The following PAMR1 variants were observed in gnomAD, a reference collection of about 807,000 sequenced individuals.
PAMR1 encodes the protein inactive serine protease PAMR1.
PAMR1 carries 88 observed loss-of-function variants against 81.8 expected under a neutral mutation model. The observed-to-expected ratio is 1.08, with a 90% CI of 0.91 to 1.28. The LOEUF is 1.28. Ranked by LOEUF, PAMR1 falls within the 50% of genes most tolerant of loss-of-function variation. The probability of loss-of-function intolerance (pLI) is 0.00; values close to 1 mark genes in which losing one functional copy is unlikely to be tolerated. For missense variants in PAMR1, 935 were observed against 919.7 expected, an observed-to-expected ratio of 1.02 and a Z score of -0.21; for synonymous variants, 336 against 345.3, an observed-to-expected ratio of 0.97 and a Z score of 0.30.
chr11:35,467,704 A>C (rs1856781573), intron 6 of PAMR1, among the ~76,000 whole-genome samples: 1 of 152,134 alleles, frequency 6.6e-6, no homozygotes, highest in Non-Finnish European at 1.5e-5. Flanking sequence ...AAGTTTGTTG[A>C]CCTTTTTCAG....
intron 3 of PAMR1, among the ~76,000 whole-genome samples, chr11:35,484,171 T>C (rs1850454790): frequency 6.6e-6 from 1 of 152,230 alleles, no homozygotes; most frequent in Non-Finnish European, 1.5e-5. Flanking sequence ...AAGGGATTTA[T>C]AGACAGTTCT....
At chr11:35,525,372 C>A in intron 1 of PAMR1, 141 bp downstream of exon 1, 1 of 653,574 alleles carries the variant, frequency 1.5e-6, no homozygotes, top group African/African-American at 1.8e-5. Context: ...TGGAAAAGCA[C>A]CACCCCCCCT....
At chr11:35,459,826 A>G (rs1017962063) in intron 6 of PAMR1, among the ~76,000 whole-genome samples, 2 of 152,226 alleles carry the variant, frequency 1.3e-5, no homozygotes, top group African/African-American at 4.8e-5. Context: ...TAGCTTTGTC[A>G]AAAGGAGGGG....
chr11:35,500,849 GTATCTAAACA>G lies in PAMR1; in HGVS notation c.74-6587_74-6578del, dbSNP rs535093521. 4.3e-4 allele frequency among the ~76,000 whole-genome samples: 65 copies of G among 152,218 alleles called. No homozygotes were observed. In the South Asian group the frequency reaches 0.012, roughly 29 times the overall value. The stretch of plus-strand genomic sequence containing the variant: ...TTGTAATACAACAGTAAGTACTGGT[GTATCTAAACA>G]TATCTAAACAGAAAAAATATGGTAT... On this transcript the variant is annotated intron_variant, in intron 1 of 10. Transcript: ENST00000619888.
intron 3 of PAMR1, among the ~76,000 whole-genome samples, chr11:35,476,618 T>TG (rs1850289576): frequency 6.6e-6 from 1 of 152,200 alleles, no homozygotes; most frequent in South Asian, 2.1e-4. Flanking sequence ...CAGATATTTC[T>TG]ACATAGCAGA....
At chr11:35,507,037 GACTTTTTT>G in intron 1 of PAMR1, among the ~76,000 whole-genome samples, 3 of 93,506 alleles carry the variant, frequency 3.2e-5, no homozygotes, top group African/African-American at 4.7e-5. Context: ...CAAATAGCCT[GACTTTTTT>G]TTTTTTTTTT....
chr11:35,491,634 AT>A (rs796085404), intron 3 of PAMR1, among the ~76,000 whole-genome samples: 11 of 152,322 alleles, frequency 7.2e-5, no homozygotes, highest in African/African-American at 2.6e-4. Context: ...CATGCTAGCA[AT>A]TTGCTGTGGG....
intron 1 of PAMR1, among the ~76,000 whole-genome samples, chr11:35,502,915 C>T (rs1850879064): frequency 6.6e-6 from 1 of 152,136 alleles, no homozygotes; most frequent in South Asian, 2.1e-4. Flanking sequence ...AAAATCTTTG[C>T]CCAGATCAAT....
chr11:35,470,580 A>T, intron 5 of PAMR1, 21 bp downstream of exon 5: 2 of 1,588,922 alleles, frequency 1.3e-6, no homozygotes, highest in South Asian at 1.1e-5. Flanking sequence ...AAAATGCCAC[A>T]TTTGTCTCCT....
chr11:35,469,460 C>T (rs768547807), intron 5 of PAMR1, among the ~76,000 whole-genome samples: 6 of 152,184 alleles, frequency 3.9e-5, no homozygotes, highest in Non-Finnish European at 7.3e-5. Context: ...TCATGTGGGA[C>T]GTTGCTCAGC....
chr11:35,483,975 T>C lies in PAMR1; in HGVS notation c.379+8070A>G, dbSNP rs141198572. ...TCTCTAACCTTAAAGGCTTCTCTTT[T>C]ATTATCTTTCTTCTCTGGCCCTATA... is the stretch of plus-strand genomic sequence containing the variant. On this transcript the variant is annotated intron_variant, in intron 3 of 10. Coordinates refer to ENST00000619888, the MANE Select transcript of PAMR1 (RefSeq NM_001001991.3). Among the ~76,000 whole-genome samples the C allele has an allele frequency of 6.9e-3, 1,058 of 152,306 alleles. 7 individuals are homozygous for C. The highest frequency in any genetic ancestry group is 0.024 in the African/African-American group (992 of 41,548).
In PAMR1 at chr11:35,472,319, T is replaced by C. The variant is rs563453538; in HGVS notation, c.495-1501A>G. 2.0e-5 allele frequency among the ~76,000 whole-genome samples: 3 copies of C among 152,356 alleles called. No individual in the cohort carries two copies. The South Asian group carries it at 6.2e-4, about 32-fold the overall frequency. ...CGAAGCTGAAGAGATAGTGCAACTA[T>C]ATTTGCGTTCATGCATTCATTTGTC... On this transcript the variant is annotated intron_variant, in intron 4 of 10. Transcript: ENST00000619888.
At chr11:35,484,559 CG>C (rs1850463555) in intron 3 of PAMR1, among the ~76,000 whole-genome samples, 1 of 152,240 alleles carries the variant, frequency 6.6e-6, no homozygotes, top group Admixed American at 6.5e-5. Flanking sequence ...GCTCAGGAAT[CG>C]GCCTGCACAA....
At chr11:35,457,920 G>C (rs1856568978) in intron 6 of PAMR1, among the ~76,000 whole-genome samples, 1 of 152,122 alleles carries the variant, frequency 6.6e-6, no homozygotes. Flanking sequence ...GTTGAAGGAT[G>C]ATGAGATGAA....
chr11:35,486,180 C>T (rs1850501188), intron 3 of PAMR1, among the ~76,000 whole-genome samples: 1 of 152,148 alleles, frequency 6.6e-6, no homozygotes, highest in Admixed American at 6.5e-5. Flanking sequence ...GGTGACCAGC[C>T]CAGTGCTCCA....
At position 35,468,110 on chromosome 11, in the gene PAMR1, T is replaced by A. The variant is rs1327791534; in HGVS notation, c.713-2A>T. 5.8e-6 allele frequency: 9 copies of A among 1,547,532 alleles called. No individual in the cohort carries two copies. The highest frequency in any genetic ancestry group is 1.4e-5 in the African/African-American group (1 of 73,018). ...GGAAACAAGGGGATGAGGAGCATGC[T>A]GTAAGAGAAAAGGCATCCTTCAGTG... On this transcript the variant is annotated splice_acceptor_variant, in intron 5 of 10. Coordinates refer to ENST00000619888, the MANE Select transcript of PAMR1 (RefSeq NM_001001991.3). LOFTEE classifies it high-confidence loss of function.
upstream of PAMR1, among the ~76,000 whole-genome samples, chr11:35,527,949 T>C (rs920082833): frequency 2.6e-5 from 4 of 152,058 alleles, no homozygotes; most frequent in African/African-American, 9.7e-5. Flanking sequence ...TTCAACTATC[T>C]CCACCTGGTC....
At chr11:35,499,460 C>T (rs1850790269) in intron 1 of PAMR1, among the ~76,000 whole-genome samples, 1 of 152,158 alleles carries the variant, frequency 6.6e-6, no homozygotes, top group African/African-American at 2.4e-5. Flanking sequence ...AGGACACCAA[C>T]AGGATAAATA....
intron 3 of PAMR1, among the ~76,000 whole-genome samples, chr11:35,485,851 G>T (rs116278073): frequency 0.016 from 2,456 of 152,254 alleles, 62 homozygotes; most frequent in African/African-American, 0.056. Flanking sequence ...GCGCCTTCAG[G>T]ATAACGTTGT....
Sources: gnomAD v4.1 joint callset for allele counts (sites outside exome capture counted in the v4.1 genomes callset) on GRCh38, gnomAD v4.1.1 for gene constraint, MANE v1.5 for transcripts, NCBI Gene and HGNC (gene_info 2026-07-23, HGNC 2026-07-21) for gene names.